The following COL6A3 variants were observed in gnomAD, a reference collection of about 807,000 sequenced individuals.
COL6A3 encodes the protein collagen type VI alpha 3 chain.
In COL6A3, 137 loss-of-function variants were observed where a neutral mutation model predicts 274.1. The observed-to-expected ratio is 0.50, with a 90% CI of 0.44 to 0.58. The LOEUF (loss-of-function observed/expected upper bound fraction) is 0.58, where lower values mean the gene tolerates loss of function less well. Among genes scored for constraint, COL6A3 ranks in the 20% least tolerant of loss-of-function variants. The pLI is 0.00. For synonymous variants in COL6A3, 1,650 were observed against 1,650.6 expected (o/e 1.00, Z 0.01); for missense variants, 3,950 against 4,124.9 (o/e 0.96, Z 1.16).
intron 41 of COL6A3, among the ~76,000 whole-genome samples, chr2:237,333,756 G>A (rs1399890112): frequency 1.3e-5 from 2 of 152,152 alleles, no homozygotes; most frequent in African/African-American, 2.4e-5. Flanking sequence ...GCGACGGGAG[G>A]GGATCCCTGA....
Position 237,344,313 on chromosome 2 carries a change from G to T in COL6A3, c.7668+37C>A. ...TGAGAACCTTCTCAGAGCCCCAGAA[G>T]AAAGGGAGATGCCAACAGCACGCAC... is the stretch of plus-strand genomic sequence containing the variant. On this transcript the variant is annotated intron_variant, in intron 36 of 43. Transcript: ENST00000295550. This position sits in a 1 kb window ranked among gnomAD's most constrained non-coding sequence, Gnocchi z 4.8. 6.2e-7 allele frequency: 1 copy of T among 1,613,624 alleles called. No homozygotes were observed. The highest frequency in any genetic ancestry group is 1.1e-5 in the South Asian group (1 of 90,892).
intron 37 of COL6A3, 122 bp downstream of exon 37, chr2:237,341,943 G>A: frequency 1.2e-6 from 1 of 832,636 alleles, no homozygotes; most frequent in Non-Finnish European, 2.0e-6. Context: ...TAAATACGAG[G>A]CTTTGTGAAT....
At chr2:237,400,343 C>T (rs1235679148) in intron 1 of COL6A3, among the ~76,000 whole-genome samples, 2 of 152,062 alleles carry the variant, frequency 1.3e-5, no homozygotes, top group East Asian at 1.9e-4. Flanking sequence ...ATATCCCCTG[C>T]ATCAGGAATA....
chr2:237,345,814 A>T (rs528033085), intron 32 of COL6A3, among the ~76,000 whole-genome samples: 1 of 152,252 alleles, frequency 6.6e-6, no homozygotes, highest in South Asian at 2.1e-4. Flanking sequence ...CACTTCACCT[A>T]CTTAAAGACA....
At chr2:237,366,106 G>A (rs550329909) in intron 11 of COL6A3, 71 bp from the exon 12 acceptor site, 3 of 1,380,126 alleles carry the variant, frequency 2.2e-6, no homozygotes, top group South Asian at 1.2e-5. Context: ...TATACCAGCA[G>A]TAGGGACAAC....
intron 41 of COL6A3, 61 bp downstream of exon 41, chr2:237,334,565 G>T (rs549307351): frequency 6.4e-7 from 1 of 1,551,594 alleles, no homozygotes; most frequent in Non-Finnish European, 8.9e-7. Flanking sequence ...TGTCTCCTTT[G>T]TGTCCTATTT....
intron 22 of COL6A3, 60 bp downstream of exon 22, chr2:237,357,757 A>C (rs2077349250): frequency 3.2e-6 from 5 of 1,551,090 alleles, no homozygotes; most frequent in Non-Finnish European, 4.5e-6. Context: ...ATGAGCCGAG[A>C]AGTGTGTCCT....
chr2:237,351,222 G>A (rs374523917), intron 26 of COL6A3, 30 bp from the exon 27 acceptor site: 1 of 1,611,334 alleles, frequency 6.2e-7, no homozygotes, highest in Middle Eastern at 1.7e-4. Context: ...ATGTGTCAGT[G>A]AAGTGGCCAA....
chr2:237,397,329 GGGAGGGAA>G (rs899341003), intron 1 of COL6A3, among the ~76,000 whole-genome samples: 5 of 145,326 alleles, frequency 3.4e-5, no homozygotes, highest in African/African-American at 5.1e-5. Flanking sequence ...GAAGGCGAGA[GGGAGGGAA>G]GGAGGGAAGG....
chr2:237,344,023 G>C lies in COL6A3; in HGVS notation c.7668+327C>G, dbSNP rs970383220. 8 of 414,132 alleles carry C rather than the reference G, an allele frequency of 1.9e-5. No individual in the cohort carries two copies. Among genetic ancestry groups the C allele is most frequent in the African/African-American group, 1.4e-4 (7 of 49,046 alleles). The allele number at this position is 414,132 out of a possible 1,614,324, so 25.7% of individuals were successfully genotyped here. A position where few individuals can be genotyped will look rare whatever the true frequency, so the allele number is the denominator to read the frequency against. ...GAGACAGGAAGGATGCAAACGTCCA[G>C]GTCCTCATGAATAAAGCAAACAAGT... On this transcript the variant is annotated intron_variant, in intron 36 of 43. Transcript: ENST00000295550. This position sits in a 1 kb window ranked among gnomAD's most constrained non-coding sequence, Gnocchi z 4.8.
chr2:237,350,134 G>A lies in COL6A3; in HGVS notation c.6879+13C>T, dbSNP rs754120322. 2.5e-5 allele frequency: 40 copies of A among 1,613,750 alleles called. No homozygotes were observed. Among genetic ancestry groups the A allele is most frequent in the Middle Eastern group, 1.6e-4 (1 of 6,062 alleles). ...TCAGCGACAGCCTGACCCCAAGCGC[G>A]CTGTGACCTTACCGTCTCCCCACGA... On this transcript the variant is annotated intron_variant, in intron 28 of 43. Transcript: ENST00000295550.
At chr2:237,352,105 T>C (rs1381574977) in intron 26 of COL6A3, among the ~76,000 whole-genome samples, 2 of 152,256 alleles carry the variant, frequency 1.3e-5, no homozygotes, top group Non-Finnish European at 2.9e-5. Flanking sequence ...GGCCATCTTC[T>C]GTGCTGAACT....
chr2:237,333,954 C>A (rs770047207), intron 41 of COL6A3, among the ~76,000 whole-genome samples: 2 of 152,138 alleles, frequency 1.3e-5, no homozygotes, highest in South Asian at 2.1e-4. Context: ...AAAAGAGGAG[C>A]CTTCCCTTCA....
At chr2:237,351,798 T>C (rs996691647) in intron 26 of COL6A3, among the ~76,000 whole-genome samples, 1 of 152,264 alleles carries the variant, frequency 6.6e-6, no homozygotes, top group African/African-American at 2.4e-5. Flanking sequence ...TCTAAAGATA[T>C]GTATTTATCA....
chr2:237,397,164 G>GGAAGA (rs1042240360), intron 1 of COL6A3, among the ~76,000 whole-genome samples: 2 of 147,692 alleles, frequency 1.4e-5, no homozygotes, highest in Non-Finnish European at 3.0e-5. Flanking sequence ...AGAAGGGAAG[G>GGAAGA]GAAGGGAGAA....
chr2:237,348,789 A>G, intron 28 of COL6A3, 126 bp from the exon 29 acceptor site: 1 of 805,328 alleles, frequency 1.2e-6, no homozygotes, highest in Non-Finnish European at 2.2e-6. Flanking sequence ...AGACTAAGGT[A>G]CAGGAGTAGG....
At chr2:237,408,702 C>T (rs2078780227) in intron 1 of COL6A3, among the ~76,000 whole-genome samples, 1 of 152,156 alleles carries the variant, frequency 6.6e-6, no homozygotes. Flanking sequence ...AAACATTTCC[C>T]ATTGTACTTT....
At chr2:237,379,720 T>A (rs1478684261) in intron 5 of COL6A3, among the ~76,000 whole-genome samples, 1 of 151,794 alleles carries the variant, frequency 6.6e-6, no homozygotes, top group African/African-American at 2.4e-5. Flanking sequence ...TCCTTAAGGC[T>A]AAAAAAAATA....
At chr2:237,372,479 G>T (rs2077719061) in intron 8 of COL6A3, 142 bp from the exon 9 acceptor site, 11 of 1,502,804 alleles carry the variant, frequency 7.3e-6, no homozygotes, top group Non-Finnish European at 1.0e-5. Flanking sequence ...AGAAGTGGGA[G>T]TCCTGGGCAT....
Sources: gnomAD v4.1 joint callset for allele counts (sites outside exome capture counted in the v4.1 genomes callset) on GRCh38, gnomAD v4.1.1 for gene constraint, Gnocchi (gnomAD v3.1) non-coding constraint, MANE v1.5 for transcripts, NCBI Gene and HGNC (gene_info 2026-07-23, HGNC 2026-07-21) for gene names.